The following TTI2 variants were observed in gnomAD, a reference collection of about 807,000 sequenced individuals.
TTI2 encodes the protein TELO2-interacting protein 2.
In TTI2, 26 loss-of-function variants were observed where a neutral mutation model predicts 44.9. The observed-to-expected ratio is 0.58, with a 90% CI of 0.42 to 0.80. The LOEUF is 0.80. Ranked by LOEUF, TTI2 falls within the 30% of genes least tolerant of loss-of-function variation. The probability of loss-of-function intolerance (pLI) is 0.00; values close to 1 mark genes in which losing one functional copy is unlikely to be tolerated. For missense variants in TTI2, 582 were observed against 611.6 expected (o/e 0.95, Z 0.51); for synonymous variants, 254 against 250.9 (o/e 1.01, Z -0.12).
Position 33,499,239 on chromosome 8 carries a change from T to C in TTI2, c.1461A>G (p.Arg487=). 1 of 1,614,146 alleles carries C rather than the reference T, an allele frequency of 6.2e-7. No homozygotes were observed. The highest frequency in any genetic ancestry group is 1.3e-5 in the African/African-American group (1 of 75,058). The change falls in exon 8 of 8, where the codon AGA becomes AGG. Residue 487 remains arginine, a synonymous_variant. Coordinates refer to ENST00000431156, the MANE Select transcript of TTI2 (RefSeq NM_001102401.4). The part of the protein sequence containing the change: ...LAKIPQSCED[R]KVVNYIRKVQ... ...CTTTTCTGATATAGTTCACCACTTTTCTGTCTTCACAGCTTTGGGGAATTT... is the reference window on the plus strand; with the variant it reads ...CTTTTCTGATATAGTTCACCACTTTCCTGTCTTCACAGCTTTGGGGAATTT...
intron 3 of TTI2, among the ~76,000 whole-genome samples, chr8:33,509,127 T>G: frequency 2.0e-5 from 2 of 99,316 alleles, no homozygotes; most frequent in Non-Finnish European, 4.1e-5. Flanking sequence ...AGAGTGATAA[T>G]GTCTCAAAAA....
rs767068343 is a variant in TTI2 at position 33,503,756 on chromosome 8, G to T, written c.1107C>A (p.Phe369Leu). 1 of 1,613,588 alleles carries T rather than the reference G, an allele frequency of 6.2e-7. No individual in the cohort carries two copies. The highest frequency in any genetic ancestry group is 2.2e-5 in the East Asian group (1 of 44,876). The change falls in exon 5 of 8, where the codon TTC (phenylalanine) becomes TTA (leucine). Residue 369 changes from phenylalanine (F) to leucine (L), a missense_variant. By Grantham distance (22) the Phe-to-Leu change is conservative (BLOSUM62 0). Coordinates refer to ENST00000431156, the MANE Select transcript of TTI2 (RefSeq NM_001102401.4). ...RRTYARNLPA[F>L]VNRLGILTVR... Reference sequence around the variant, plus strand: ...AAAGCCCAGGGCCTCACCTGTTCACGAAAGCCGGCAGGTTTCTTGCGTAGG... The same window carrying T: ...AAAGCCCAGGGCCTCACCTGTTCACTAAAGCCGGCAGGTTTCTTGCGTAGG...
In TTI2 at chr8:33,512,201, G is replaced by A. The variant is rs1216156191; in HGVS notation, c.413C>T (p.Ala138Val). ...CAAGTGATGCAGGCCCGTCTGCCAT[G>A]CAGGGCCGACCAGGGAATTCTTAGC... ...ETAKNSLVGP[A>V]WQTGLHHLAG... Residue 138 changes from alanine (A) to valine (V), a missense_variant, in exon 2 of 8, where the codon GCA becomes GTA. By Grantham distance (64) the Ala-to-Val change is moderately conservative (BLOSUM62 0). Transcript: ENST00000431156. The A allele has an allele frequency of 6.2e-7, 1 of 1,614,092 alleles. No individual in the cohort carries two copies. The highest frequency in any genetic ancestry group is 1.3e-5 in the African/African-American group (1 of 74,940).
rs930230508 is a variant in TTI2 at position 33,512,516 on chromosome 8, A to C, written c.98T>G (p.Ile33Ser). ...CTCCGGGCGGGCAAGACAGTGTAAA[A>C]TCTTGGAGAAGGCCTGTCCAAAGGC... ...HSAFGQAFSK[I>S]LHCLARPEAR... The change falls in exon 2 of 8, where the codon ATT (isoleucine) becomes AGT (serine). Residue 33 changes from isoleucine (I) to serine (S), a missense_variant. Physicochemically the swap from Ile to Ser is moderately radical, Grantham distance 142 (BLOSUM62 -2). Coordinates refer to ENST00000431156, the MANE Select transcript of TTI2 (RefSeq NM_001102401.4). 9.9e-6 allele frequency: 16 copies of C among 1,614,030 alleles called. No homozygotes were observed. The highest frequency in any genetic ancestry group is 1.4e-5 in the Non-Finnish European group (16 of 1,180,042).
At chr8:33,511,797 G>T (rs974630094) in intron 2 of TTI2, among the ~76,000 whole-genome samples, 170 bp downstream of exon 2, 4 of 152,162 alleles carry the variant, frequency 2.6e-5, no homozygotes, top group African/African-American at 9.6e-5. Context: ...GCTGACACAG[G>T]AGAATCGCTT....
intron 6 of TTI2, 137 bp from the exon 7 acceptor site, chr8:33,500,627 T>A: frequency 9.2e-7 from 1 of 1,088,156 alleles, no homozygotes; most frequent in Non-Finnish European, 1.3e-6. Context: ...GAAAAAGACC[T>A]AAAAACAGAA....
At chr8:33,507,406 A>G in intron 3 of TTI2, 85 bp from the exon 4 acceptor site, 1 of 1,173,796 alleles carries the variant, frequency 8.5e-7, no homozygotes, top group East Asian at 2.5e-5. Context: ...GATTATGGGT[A>G]TGAAGCATGA....
chr8:33,504,189 A>G (rs936293946), intron 4 of TTI2, among the ~76,000 whole-genome samples: 2 of 151,866 alleles, frequency 1.3e-5, no homozygotes, highest in Non-Finnish European at 2.9e-5. Context: ...AAAATCGGAA[A>G]AATGGCAGAG....
chr8:33,500,027 C>T (rs1445389436), intron 7 of TTI2: 2 of 227,820 alleles, frequency 8.8e-6, no homozygotes, highest in Non-Finnish European at 1.7e-5. Flanking sequence ...AAGACTAGAA[C>T]AGAACTTAAA....
At position 33,509,867 on chromosome 8, in the gene TTI2, C is replaced by T. The variant is rs770897969; in HGVS notation, c.713G>A (p.Arg238Gln). Residue 238 changes from arginine (R) to glutamine (Q), a missense_variant, in exon 3 of 8, where the codon CGG becomes CAG. By Grantham distance (43) the Arg-to-Gln change is conservative. Transcript: ENST00000431156. ...VFSWTLQQVT[R>Q]PWLSQHLERV... is the part of the protein sequence containing the mutation. ...TTCCAGATGCTGGCTCAGCCAGGGC[C>T]GAGTGACCTGTTGCAGAGTCCATGA... The T allele has an allele frequency of 2.2e-5, 35 of 1,613,438 alleles. No individual in the cohort carries two copies. The highest frequency in any genetic ancestry group is 8.3e-5 in the Admixed American group (5 of 59,920).
At chr8:33,511,674 G>C (rs1287178792) in intron 2 of TTI2, among the ~76,000 whole-genome samples, 1 of 152,034 alleles carries the variant, frequency 6.6e-6, no homozygotes, top group Non-Finnish European at 1.5e-5. Context: ...GATCACTTGA[G>C]GTCAAGAGTT....
chr8:33,512,708 G>A lies in TTI2; in HGVS notation c.-95C>T. The A allele has an allele frequency of 1.4e-6, 2 of 1,398,106 alleles. No individual in the cohort carries two copies. The highest frequency in any genetic ancestry group is 2.3e-5 in the East Asian group (1 of 43,654). The allele number at this position is 1,398,106 out of a possible 1,614,324, so 86.6% of individuals were successfully genotyped here. On this transcript the variant is annotated 5_prime_UTR_variant, in exon 2 of 8. Coordinates refer to ENST00000431156, the MANE Select transcript of TTI2 (RefSeq NM_001102401.4). ...AAGAGGGAAGGAGCGATCACCCAAA[G>A]AGAACTAAAATCAAATAAAATAAAA... is the stretch of plus-strand genomic sequence containing the variant.
At position 33,512,297 on chromosome 8, in the gene TTI2, T is replaced by G; in HGVS notation, c.317A>C (p.His106Pro). 6.2e-7 allele frequency: 1 copy of G among 1,614,090 alleles called. No individual in the cohort carries two copies. The highest frequency in any genetic ancestry group is 1.6e-4 in the Middle Eastern group (1 of 6,062). ...GGCTGCTTTCTCGGCCGCTTCGGAG[T>G]GCCCATCACCTCCACCTTCCTCCTC... ...SKEEEGGGDG[H>P]SEAAEKAAQV... The change falls in exon 2 of 8, where the codon CAC (histidine) becomes CCC (proline). Residue 106 changes from histidine (H) to proline (P), a missense_variant. By Grantham distance (77) the His-to-Pro change is moderately conservative. Transcript: ENST00000431156.
chr8:33,511,188 G>A (rs758278060), intron 2 of TTI2, among the ~76,000 whole-genome samples: 45 of 151,940 alleles, frequency 3.0e-4, no homozygotes, highest in Non-Finnish European at 6.0e-4. Context: ...GATTACAGGC[G>A]TCCACCACCA....
chr8:33,505,638 C>T (rs532782221), intron 4 of TTI2, among the ~76,000 whole-genome samples: 33 of 151,682 alleles, frequency 2.2e-4, no homozygotes, highest in South Asian at 1.7e-3. Context: ...TAGAGGCATG[C>T]GCCACCATGC....
At chr8:33,500,522 T>C (rs763411439) in intron 6 of TTI2, 32 bp from the exon 7 acceptor site, 5 of 1,611,770 alleles carry the variant, frequency 3.1e-6, no homozygotes, top group Non-Finnish European at 4.2e-6. Flanking sequence ...ATGTTCATAC[T>C]CTAAATCTGG....
chr8:33,503,888 G>A lies in TTI2; in HGVS notation c.975C>T (p.Thr325=), dbSNP rs1424796751. 2 of 1,613,910 alleles carry A rather than the reference G, an allele frequency of 1.2e-6. No individual in the cohort carries two copies. Among genetic ancestry groups the A allele is most frequent in the Non-Finnish European group, 8.5e-7 (1 of 1,180,022 alleles). The part of the protein sequence containing the change: ...LLDLFPILEK[T]LHWKGDGARP... ...GAGCTCCATCTCCTTTCCAGTGCAG[G>A]GTTTTCTCCAGGATGGGGAATAAAT... Residue 325 remains threonine, a synonymous_variant, in exon 5 of 8, where the codon ACC becomes ACT. Transcript: ENST00000431156.
At chr8:33,509,314 G>A (rs1585331784) in intron 3 of TTI2, among the ~76,000 whole-genome samples, 1 of 151,096 alleles carries the variant, frequency 6.6e-6, no homozygotes, top group Non-Finnish European at 1.5e-5. Context: ...AAAATTAGTT[G>A]GGCATGGTGG....
At chr8:33,500,522 T>A (rs763411439) in intron 6 of TTI2, 32 bp from the exon 7 acceptor site, 1 of 1,611,886 alleles carries the variant, frequency 6.2e-7, no homozygotes, top group South Asian at 1.1e-5. Context: ...ATGTTCATAC[T>A]CTAAATCTGG....
Sources: allele counts gnomAD v4.1 joint callset (sites outside exome capture counted in the v4.1 genomes callset), GRCh38; gene constraint gnomAD v4.1.1; transcripts MANE v1.5; gene names NCBI Gene and HGNC (gene_info 2026-07-23, HGNC 2026-07-21).